Variants in ENKUR observed in about 807,000 individuals in gnomAD.
ENKUR encodes enkurin.
In ENKUR, 19 loss-of-function variants were observed where a neutral mutation model predicts 27.6. The ratio of observed to expected loss-of-function variants is 0.69; its 90% confidence interval spans 0.48 to 1.01. ENKUR has a LOEUF of 1.01. ENKUR is among the 50% of genes least tolerant of loss of function. ENKUR has a pLI of 0.00. For missense variants in ENKUR, 312 were observed against 310.5 expected (o/e 1.00, Z -0.04); for synonymous variants, 117 against 96.9 (o/e 1.21, Z -1.22).
intron 2 of ENKUR, among the ~76,000 whole-genome samples, chr10:25,035,559 G>GAAA (rs35514834): frequency 2.2e-5 from 3 of 138,040 alleles, no homozygotes; most frequent in Non-Finnish European, 1.5e-5. Flanking sequence ...CTGTCTCAAG[G>GAAA]AAAAAAAAAA....
upstream of ENKUR, among the ~76,000 whole-genome samples, chr10:25,020,592 C>T (rs1850700388): frequency 6.6e-6 from 1 of 151,908 alleles, no homozygotes; most frequent in Admixed American, 6.6e-5. Flanking sequence ...CATGGTGAAA[C>T]CCTGTCTCTA....
intron 2 of ENKUR, among the ~76,000 whole-genome samples, chr10:25,054,456 C>CTTTT (rs1393639696): frequency 8.5e-6 from 1 of 117,140 alleles, no homozygotes; most frequent in Non-Finnish European, 1.9e-5. Flanking sequence ...TGTTTTTTCT[C>CTTTT]TTTTCTTTCT....
At chr10:25,018,541 A>G (rs946069079), upstream of ENKUR, among the ~76,000 whole-genome samples, 1 of 152,230 alleles carries the variant, frequency 6.6e-6, no homozygotes, top group Non-Finnish European at 1.5e-5. Context: ...TGCTTCAAAG[A>G]AACTTGATTT....
intron 4 of ENKUR, among the ~76,000 whole-genome samples, chr10:24,987,179 C>G (rs1157750669): frequency 6.6e-6 from 1 of 152,162 alleles, no homozygotes; most frequent in African/African-American, 2.4e-5. Context: ...TGACTATGAC[C>G]CTCAGCCCAG....
At chr10:25,039,960 C>T (rs1834753652) in intron 2 of ENKUR, among the ~76,000 whole-genome samples, 1 of 149,198 alleles carries the variant, frequency 6.7e-6, no homozygotes, top group Admixed American at 6.7e-5. Context: ...AAAAAAGTAG[C>T]TTCACTCTGG....
At position 24,984,922 on chromosome 10, in the gene ENKUR, A is replaced by G. The variant is rs906215466; in HGVS notation, c.595-17T>C. 8 of 1,604,158 alleles carry G rather than the reference A, an allele frequency of 5.0e-6. No individual in the cohort carries two copies. The highest frequency in any genetic ancestry group is 6.8e-6 in the Non-Finnish European group (8 of 1,176,070). ...TTTCAGCCCCTGCAAATGGTCAAGA[A>G]ACTTGTAAATACCAAAGCAAACTGC... On this transcript the variant is annotated splice_polypyrimidine_tract_variant and intron_variant, in intron 4 of 5. Transcript: ENST00000331161.
At chr10:25,057,107 T>C (rs1851267400) in intron 2 of ENKUR, among the ~76,000 whole-genome samples, 2 of 152,092 alleles carry the variant, frequency 1.3e-5, no homozygotes, top group African/African-American at 4.8e-5. Flanking sequence ...TAATAGTTGG[T>C]GAGAAAAAGT....
chr10:25,058,759 TG>T (rs1851290956), intron 2 of ENKUR, among the ~76,000 whole-genome samples: 1 of 151,850 alleles, frequency 6.6e-6, no homozygotes, highest in African/African-American at 2.4e-5. Flanking sequence ...GGTGAAACCC[TG>T]TCTCTACTAA....
intron 2 of ENKUR, among the ~76,000 whole-genome samples, chr10:25,054,457 T>TTTTCTTTCTTTCCTTC (rs1851224431): frequency 9.9e-6 from 1 of 100,860 alleles, no homozygotes; most frequent in African/African-American, 3.7e-5. Flanking sequence ...GTTTTTTCTC[T>TTTTCTTTCTTTCCTTC]TTTCTTTCTT....
intron 2 of ENKUR, among the ~76,000 whole-genome samples, chr10:25,059,473 G>A (rs186965374): frequency 6.6e-6 from 1 of 152,206 alleles, no homozygotes; most frequent in Admixed American, 6.5e-5. Context: ...TATGTATGGA[G>A]ATCTGTATAT....
chr10:25,019,382 G>A (rs916019800), upstream of ENKUR, among the ~76,000 whole-genome samples: 7 of 152,150 alleles, frequency 4.6e-5, no homozygotes, highest in Admixed American at 4.6e-4. Context: ...GCTGAGGTGG[G>A]AGGATTGCTT....
intron 2 of ENKUR, among the ~76,000 whole-genome samples, chr10:25,056,303 C>A (rs769309898): frequency 2.0e-5 from 3 of 152,162 alleles, no homozygotes; most frequent in Non-Finnish European, 4.4e-5. Flanking sequence ...TGCCTCATAC[C>A]CCAGAAGTTC....
At chr10:24,992,207 T>A (rs1849943888) in intron 3 of ENKUR, among the ~76,000 whole-genome samples, 1 of 152,222 alleles carries the variant, frequency 6.6e-6, no homozygotes, top group Non-Finnish European at 1.5e-5. Context: ...AAAGTTTCCG[T>A]CTTCAGGGAA....
At chr10:25,016,859 A>ACCGTCCCTTCCCCTTT (rs1385237515), upstream of ENKUR, 1 of 152,598 alleles carries the variant, frequency 6.6e-6, no homozygotes, top group Non-Finnish European at 1.5e-5. Flanking sequence ...CTTTCCCCGT[A>ACCGTCCCTTCCCCTTT]CCGTCCCTTC....
At chr10:25,013,678 C>G (rs1850501622) in intron 1 of ENKUR, among the ~76,000 whole-genome samples, 1 of 152,220 alleles carries the variant, frequency 6.6e-6, no homozygotes, top group African/African-American at 2.4e-5. Flanking sequence ...CGTGGTGGCT[C>G]ACGCCTATAA....
At chr10:25,029,031 A>C (rs2131277) in intron 2 of ENKUR, among the ~76,000 whole-genome samples, 36,998 of 152,120 alleles carry the variant, frequency 0.24, 5,590 homozygotes, top group East Asian at 0.5. Context: ...TTGTATTACT[A>C]AATAGTATTC....
At chr10:25,028,142 C>T (rs189947422) in intron 2 of ENKUR, among the ~76,000 whole-genome samples, 25 of 152,272 alleles carry the variant, frequency 1.6e-4, no homozygotes, top group African/African-American at 5.5e-4. Flanking sequence ...CTAGCAGAGG[C>T]AGGAGAAACA....
At chr10:25,021,414 T>C (rs1017171732) in intron 2 of ENKUR, among the ~76,000 whole-genome samples, 36 of 152,346 alleles carry the variant, frequency 2.4e-4, no homozygotes, top group Non-Finnish European at 1.0e-4. Flanking sequence ...GCTGACTTTT[T>C]CCCCTCTGAT....
intron 2 of ENKUR, among the ~76,000 whole-genome samples, chr10:25,033,265 A>G (rs1374992241): frequency 2.6e-5 from 4 of 151,942 alleles, no homozygotes; most frequent in Non-Finnish European, 5.9e-5. Context: ...TTAGCAAGGC[A>G]TGGTGGTGCA....
Sources: gnomAD v4.1 joint callset for allele counts (sites outside exome capture counted in the v4.1 genomes callset) on GRCh38, gnomAD v4.1.1 for gene constraint, MANE v1.5 for transcripts, NCBI Gene and HGNC (gene_info 2026-07-23, HGNC 2026-07-21) for gene names.